Variants in WAC observed in about 807,000 individuals in gnomAD.
The protein encoded by WAC is WW domain containing adaptor with coiled-coil.
WAC carries 11 observed loss-of-function variants against 79.6 expected under a neutral mutation model. That is an observed-to-expected ratio of 0.14 (90% CI 0.09 to 0.23). WAC has a LOEUF of 0.23. Ranked by LOEUF, WAC falls within the 10% of genes least tolerant of loss-of-function variation. The probability of loss-of-function intolerance (pLI) is 1.00; values close to 1 mark genes in which losing one functional copy is unlikely to be tolerated. For missense variants in WAC, 728 were observed against 773.5 expected (o/e 0.94, Z 0.70); for synonymous variants, 304 against 276.9 (o/e 1.10, Z -0.97).
intron 3 of WAC, among the ~76,000 whole-genome samples, chr10:28,553,345 ATACAG>A (rs1274454865): frequency 6.6e-6 from 1 of 152,196 alleles, no homozygotes; most frequent in African/African-American, 2.4e-5. Context: ...TGCTTGCCAG[ATACAG>A]TATTCATTTT....
Position 28,595,760 on chromosome 10 carries a change from G to C in WAC, c.638G>C (p.Ser213Thr). ...GMEDKHSSDASSLLPQNILSQ... is the reference protein window; with the variant it reads ...GMEDKHSSDATSLLPQNILSQ... ...GAAGACAAGCATTCCAGTGATGCCAGTAGTTTGCTCCCACAGAATATTTTG... is the reference window on the plus strand; with the variant it reads ...GAAGACAAGCATTCCAGTGATGCCACTAGTTTGCTCCCACAGAATATTTTG... The change falls in exon 7 of 14, where the codon AGT (serine) becomes ACT (threonine). Residue 213 changes from serine to threonine, a missense_variant. This residue lies in a region of WAC where 648 missense variants were observed against 661.5 expected (regional missense o/e 0.98). Transcript: ENST00000354911. 6.2e-7 allele frequency: 1 copy of C among 1,613,968 alleles called. No homozygotes were observed. Among genetic ancestry groups the C allele is most frequent in the Non-Finnish European group, 8.5e-7 (1 of 1,179,944 alleles).
intron 3 of WAC, among the ~76,000 whole-genome samples, chr10:28,556,388 ATTTTT>A (rs764934182): frequency 8.7e-4 from 48 of 55,086 alleles, no homozygotes; most frequent in Non-Finnish European, 1.0e-3. Flanking sequence ...TGCCCATTAA[ATTTTT>A]TTTTTTTTTT....
intron 3 of WAC, among the ~76,000 whole-genome samples, chr10:28,563,253 A>G (rs1046318209): frequency 2.6e-5 from 4 of 152,056 alleles, no homozygotes; most frequent in African/African-American, 9.7e-5. Flanking sequence ...TTTTCCTTCT[A>G]GTTGGGAAGA....
intron 3 of WAC, among the ~76,000 whole-genome samples, chr10:28,547,190 C>T (rs1029892513): frequency 5.3e-5 from 8 of 152,086 alleles, no homozygotes; most frequent in Non-Finnish European, 1.2e-4. Context: ...TTTCATTTCT[C>T]ATTTTTAAAA....
At chr10:28,588,425 A>C (rs1214984311) in intron 4 of WAC, among the ~76,000 whole-genome samples, 2 of 152,208 alleles carry the variant, frequency 1.3e-5, no homozygotes, top group African/African-American at 4.8e-5. Context: ...AACTGCCTTC[A>C]GAATTATTAG....
At chr10:28,612,334 T>G (rs2132837708) in intron 10 of WAC, among the ~76,000 whole-genome samples, 1 of 152,350 alleles carries the variant, frequency 6.6e-6, no homozygotes, top group Admixed American at 6.5e-5. Flanking sequence ...TTTCACATCG[T>G]GAGAATCACT....
rs555090496 is a variant in WAC at position 28,573,259 on chromosome 10, C to G, written c.275-10140C>G. 3.7e-4 allele frequency among the ~76,000 whole-genome samples: 57 copies of G among 152,250 alleles called. No individual in the cohort carries two copies. In the East Asian group the frequency reaches 6.8e-3, roughly 18 times the overall value. ...TCACATAACAATTGTCATCTCCCCC[C>G]CAAAATTACTGTATACCCATTAGCA... On this transcript the variant is annotated intron_variant, in intron 3 of 13. Transcript: ENST00000354911.
chr10:28,571,091 G>A (rs1838935325), intron 3 of WAC, among the ~76,000 whole-genome samples: 1 of 151,172 alleles, frequency 6.6e-6, no homozygotes, highest in African/African-American at 2.4e-5. Context: ...TCGAGTAGCT[G>A]GGACTACAGG....
intron 6 of WAC, chr10:28,591,956 T>A (rs1388268774): frequency 6.6e-6 from 1 of 152,108 alleles, no homozygotes; most frequent in East Asian, 1.9e-4. Flanking sequence ...AATGTTTCAA[T>A]CCTGCTCCTA....
intron 3 of WAC, among the ~76,000 whole-genome samples, chr10:28,569,165 A>G (rs1838809555): frequency 1.3e-5 from 2 of 152,208 alleles, no homozygotes. Context: ...CACCTTTTCT[A>G]AGTGTTTTTC....
intron 3 of WAC, among the ~76,000 whole-genome samples, chr10:28,557,946 C>T (rs1452687646): frequency 6.6e-5 from 10 of 151,904 alleles, no homozygotes; most frequent in Non-Finnish European, 1.0e-4. Context: ...TGGTGGCAGG[C>T]GCCTGTAGTC....
At chr10:28,589,200 A>C (rs902310427) in intron 4 of WAC, 20 of 152,308 alleles carry the variant, frequency 1.3e-4, no homozygotes, top group African/African-American at 4.8e-4. Context: ...TACTTGATCC[A>C]TCTTGTTGAT....
upstream of WAC, chr10:28,532,816 T>A (rs1431435729): frequency 6.5e-6 from 1 of 152,842 alleles, no homozygotes; most frequent in Non-Finnish European, 1.5e-5. Flanking sequence ...ACCGTCCTCT[T>A]CCGGAAGGCG....
chr10:28,610,571 G>C, intron 8 of WAC, 128 bp from the exon 9 acceptor site: 1 of 946,264 alleles, frequency 1.1e-6, no homozygotes, highest in Non-Finnish European at 1.5e-6. Flanking sequence ...TATCTAGTAG[G>C]CTTTTATTTT....
chr10:28,582,651 C>A (rs1839597269), intron 3 of WAC, among the ~76,000 whole-genome samples: 1 of 152,180 alleles, frequency 6.6e-6, no homozygotes, highest in Non-Finnish European at 1.5e-5. Flanking sequence ...GAAATACTAA[C>A]ATTAGACTTC....
chr10:28,566,230 T>C (rs1234889744), intron 3 of WAC, among the ~76,000 whole-genome samples: 1 of 152,128 alleles, frequency 6.6e-6, no homozygotes, highest in Non-Finnish European at 1.5e-5. Flanking sequence ...TTCAATAAAT[T>C]AAATGTTTGT....
chr10:28,559,730 C>T (rs534856689), intron 3 of WAC, among the ~76,000 whole-genome samples: 2 of 152,104 alleles, frequency 1.3e-5, no homozygotes, highest in Non-Finnish European at 1.5e-5. Context: ...GGTTAATTTA[C>T]GGCTACTTGG....
At position 28,619,963 on chromosome 10, in the gene WAC, A is replaced by T. The variant is rs934425165; in HGVS notation, c.*357A>T. The T allele has an allele frequency of 4.4e-4, 42 of 96,296 alleles. No homozygotes were observed. The South Asian group carries it at 5.9e-3, about 13-fold the overall frequency. The allele number at this position is 96,296 out of a possible 1,614,324, so 6.0% of individuals were successfully genotyped here. ...CTGTCTGCAAAATTAGCTTTTTTAA[A>T]AAAAAAAAAAAAAAAATTGGGGGGG... On this transcript the variant is annotated 3_prime_UTR_variant, in exon 14 of 14. Transcript: ENST00000354911.
intron 7 of WAC, among the ~76,000 whole-genome samples, chr10:28,604,530 G>A (rs1220045625): frequency 6.6e-6 from 1 of 152,100 alleles, no homozygotes; most frequent in Non-Finnish European, 1.5e-5. Flanking sequence ...CCAGGAGTTC[G>A]AGACCAGCTT....
Sources: allele counts gnomAD v4.1 joint callset (sites outside exome capture counted in the v4.1 genomes callset), GRCh38; gene constraint gnomAD v4.1.1; regional missense constraint gnomAD v4.1.1; transcripts MANE v1.5; gene names NCBI Gene and HGNC (gene_info 2026-07-23, HGNC 2026-07-21).